Variants in DIP2B observed in about 807,000 individuals in gnomAD.
DIP2B encodes the protein disco-interacting protein 2 homolog B.
In DIP2B, 76 loss-of-function variants were observed where a neutral mutation model predicts 198.0. The observed-to-expected ratio is 0.38, with a 90% CI of 0.32 to 0.46. DIP2B has a LOEUF of 0.46. DIP2B is among the 20% of genes least tolerant of loss of function. The pLI is 0.99. For missense variants in DIP2B, 1,559 were observed against 1,978.4 expected (o/e 0.79, Z 4.02); for synonymous variants, 701 against 739.1 (o/e 0.95, Z 0.84).
chr12:50,706,553 G>C lies in DIP2B; in HGVS notation c.2422G>C (p.Val808Leu), dbSNP rs758354739. ...GFVGPGSLVF[V>L]VGKMDGLLMV... ...TACCTTTCAGGGTAGTTTGGTGTTC[G>C]TGGTTGGGAAAATGGATGGCTTACT... is the stretch of plus-strand genomic sequence containing the variant. The change falls in exon 21 of 38, where the codon GTG (valine) becomes CTG (leucine). Residue 808 changes from valine to leucine, a missense_variant. Val to Leu is a conservative substitution (Grantham distance 32, BLOSUM62 1). Coordinates refer to ENST00000301180, the MANE Select transcript of DIP2B (RefSeq NM_173602.3). 1.2e-6 allele frequency: 2 copies of C among 1,613,860 alleles called. No individual in the cohort carries two copies. Among genetic ancestry groups the C allele is most frequent in the African/African-American group, 2.7e-5 (2 of 74,918 alleles).
chr12:50,532,559 T>C (rs1446277865), intron 1 of DIP2B, among the ~76,000 whole-genome samples: 1 of 152,104 alleles, frequency 6.6e-6, no homozygotes, highest in Non-Finnish European at 1.5e-5. Context: ...ATATGTATCC[T>C]TGGAACATGC....
rs1479321488 is a variant in DIP2B, at chr12:50,671,228, A to G, written c.470A>G (p.Gln157Arg). The change falls in exon 5 of 38, where the codon CAA becomes CGA. Residue 157 changes from glutamine to arginine, a missense_variant. Physicochemically the swap from Gln to Arg is conservative, Grantham distance 43. Coordinates refer to ENST00000301180, the MANE Select transcript of DIP2B (RefSeq NM_173602.3). ...GAGGATGAGGGCTCTCTGAGACGCC[A>G]AGCTGCGCTCTCTGCTGCCTTGCAA... ...ASEDEGSLRR[Q>R]AALSAALQQS... 1.1e-5 allele frequency: 17 copies of G among 1,614,058 alleles called. No homozygotes were observed. Among genetic ancestry groups the G allele is most frequent in the Non-Finnish European group, 1.4e-5 (17 of 1,180,046 alleles).
chr12:50,578,907 T>C (rs1958688867), intron 1 of DIP2B, among the ~76,000 whole-genome samples: 2 of 152,316 alleles, frequency 1.3e-5, no homozygotes, highest in South Asian at 4.1e-4. Flanking sequence ...ACAATGCATC[T>C]CAAACTGTAC....
chr12:50,567,291 A>G (rs2139403786), intron 1 of DIP2B, among the ~76,000 whole-genome samples: 1 of 152,296 alleles, frequency 6.6e-6, no homozygotes, highest in South Asian at 2.1e-4. Flanking sequence ...AGAAATTGAC[A>G]TTGGTGCAAT....
chr12:50,704,324 C>A, intron 20 of DIP2B, 104 bp downstream of exon 20: 1 of 1,035,270 alleles, frequency 9.7e-7, no homozygotes, highest in Non-Finnish European at 1.4e-6. Context: ...TGTTACAGAA[C>A]CACTTCACTT....
chr12:50,620,692 A>G (rs1345637901), intron 1 of DIP2B, among the ~76,000 whole-genome samples: 1 of 152,224 alleles, frequency 6.6e-6, no homozygotes, highest in Non-Finnish European at 1.5e-5. Flanking sequence ...CAAATTTTAT[A>G]TAGGTATCAT....
chr12:50,697,339 T>C (rs1939330802), intron 17 of DIP2B, among the ~76,000 whole-genome samples, 164 bp downstream of exon 17: 1 of 152,092 alleles, frequency 6.6e-6, no homozygotes, highest in Admixed American at 6.6e-5. Context: ...AACTGAAAAA[T>C]TTAATTGATA....
intron 1 of DIP2B, among the ~76,000 whole-genome samples, chr12:50,533,951 C>T (rs1356019350): frequency 2.0e-5 from 3 of 152,014 alleles, no homozygotes; most frequent in Non-Finnish European, 1.5e-5. Context: ...TTTTTCCCCC[C>T]TGTGACAGAA....
At chr12:50,678,956 A>G in intron 8 of DIP2B, 80 bp downstream of exon 8, 1 of 1,480,584 alleles carries the variant, frequency 6.8e-7, no homozygotes, top group East Asian at 2.3e-5. Flanking sequence ...CTAGATACTT[A>G]GCAGTTGCTG....
intron 1 of DIP2B, among the ~76,000 whole-genome samples, chr12:50,611,684 C>T (rs1959033267): frequency 6.6e-6 from 1 of 152,080 alleles, no homozygotes; most frequent in Non-Finnish European, 1.5e-5. Flanking sequence ...GTACTAGATC[C>T]CTTCAGTCGC....
chr12:50,633,283 T>C (rs902801603), intron 2 of DIP2B: 3 of 152,224 alleles, frequency 2.0e-5, no homozygotes, highest in Non-Finnish European at 4.4e-5. Context: ...GTGCTTGCTT[T>C]GGCAGTACAT....
At chr12:50,555,450 T>G (rs964153710) in intron 1 of DIP2B, among the ~76,000 whole-genome samples, 1 of 152,174 alleles carries the variant, frequency 6.6e-6, no homozygotes, top group African/African-American at 2.4e-5. Flanking sequence ...TCAAATTTTG[T>G]CGCTGCTATC....
At position 50,724,792 on chromosome 12, in the gene DIP2B, T is replaced by C; in HGVS notation, c.3306T>C (p.Cys1102=). ...RMIVDVSKAA[C]ILTSQTLMRL... ...TTTTCTAGGTCAGCAAAGCAGCCTG[T>C]ATTCTCACCAGTCAGACCCTAATGA... The change falls in exon 28 of 38, where the codon TGT becomes TGC. Residue 1102 remains cysteine, a synonymous_variant. Coordinates refer to ENST00000301180, the MANE Select transcript of DIP2B (RefSeq NM_173602.3). The C allele has an allele frequency of 6.2e-7, 1 of 1,614,144 alleles. No individual in the cohort carries two copies. The highest frequency in any genetic ancestry group is 8.5e-7 in the Non-Finnish European group (1 of 1,180,010).
chr12:50,707,217 C>T (rs1939529990), intron 21 of DIP2B, among the ~76,000 whole-genome samples: 1 of 152,186 alleles, frequency 6.6e-6, no homozygotes, highest in Non-Finnish European at 1.5e-5. Context: ...ATGTCCTGTT[C>T]AGCAATTTGC....
chr12:50,683,638 T>G (rs536931606), intron 10 of DIP2B, among the ~76,000 whole-genome samples: 1 of 151,572 alleles, frequency 6.6e-6, no homozygotes, highest in African/African-American at 2.4e-5. Flanking sequence ...AAAAAATTAG[T>G]TGGGCGTGGT....
chr12:50,729,815 C>A (rs1004885912), intron 30 of DIP2B, among the ~76,000 whole-genome samples: 16 of 151,566 alleles, frequency 1.1e-4, no homozygotes, highest in African/African-American at 3.9e-4. Flanking sequence ...CTGCAACCTC[C>A]ACCTCCCAAG....
At chr12:50,738,145 T>G (rs569946291) in intron 35 of DIP2B, among the ~76,000 whole-genome samples, 11 of 151,824 alleles carry the variant, frequency 7.2e-5, no homozygotes, top group African/African-American at 2.2e-4. Context: ...ATCGAGACCA[T>G]CCTGGCCAAC....
chr12:50,649,636 T>C (rs1379614991), intron 3 of DIP2B, among the ~76,000 whole-genome samples: 3 of 152,146 alleles, frequency 2.0e-5, no homozygotes, highest in Non-Finnish European at 4.4e-5. Flanking sequence ...GGCAAATCAC[T>C]TGAGGTCAGG....
At chr12:50,702,329 G>A (rs958897497) in intron 19 of DIP2B, among the ~76,000 whole-genome samples, 9 of 150,974 alleles carry the variant, frequency 6.0e-5, no homozygotes, top group African/African-American at 2.2e-4. Flanking sequence ...CTGGGCGACA[G>A]AGCGAGACTC....
Sources: gnomAD v4.1 joint callset for allele counts (sites outside exome capture counted in the v4.1 genomes callset) on GRCh38, gnomAD v4.1.1 for gene constraint, MANE v1.5 for transcripts, NCBI Gene and HGNC (gene_info 2026-07-23, HGNC 2026-07-21) for gene names.